The following ZMYND12 variants were observed in gnomAD, a reference collection of about 807,000 sequenced individuals.
The protein encoded by ZMYND12 is zinc finger MYND domain-containing protein 12.
In ZMYND12, 32 loss-of-function variants were observed where a neutral mutation model predicts 41.7. That is an observed-to-expected ratio of 0.77 (90% CI 0.58 to 1.03). ZMYND12 has a LOEUF of 1.03. Ranked by LOEUF, ZMYND12 falls within the 50% of genes least tolerant of loss-of-function variation. The probability of loss-of-function intolerance (pLI) is 0.00; values close to 1 mark genes in which losing one functional copy is unlikely to be tolerated. For synonymous variants in ZMYND12, 148 were observed against 164.8 expected (o/e 0.90, Z 0.78); for missense variants, 424 against 438.5 (o/e 0.97, Z 0.30).
chr1:42,455,136 ACT>A (rs1213068727), intron 1 of ZMYND12, among the ~76,000 whole-genome samples: 2 of 152,080 alleles, frequency 1.3e-5, no homozygotes, highest in African/African-American at 4.8e-5. Flanking sequence ...CCCTTAGCAA[ACT>A]CTGTTCTTTT....
intron 7 of ZMYND12, among the ~76,000 whole-genome samples, chr1:42,432,623 C>T (rs1348620483): frequency 2.0e-5 from 3 of 152,082 alleles, no homozygotes; most frequent in Non-Finnish European, 4.4e-5. Context: ...TTGACCCTCT[C>T]GGTGCCTCAG....
intron 3 of ZMYND12, among the ~76,000 whole-genome samples, chr1:42,440,920 G>A (rs879066411): frequency 1.3e-5 from 2 of 152,118 alleles, no homozygotes; most frequent in African/African-American, 4.8e-5. Flanking sequence ...CACCCACCTC[G>A]ACCTCCCAAA....
intron 3 of ZMYND12, among the ~76,000 whole-genome samples, chr1:42,444,263 G>A (rs1458031849): frequency 6.6e-6 from 1 of 152,186 alleles, no homozygotes; most frequent in Non-Finnish European, 1.5e-5. Flanking sequence ...AGCTCTGAGT[G>A]AGGAAGAGCT....
chr1:42,451,634 C>T (rs1263730695), intron 1 of ZMYND12, among the ~76,000 whole-genome samples: 2 of 152,168 alleles, frequency 1.3e-5, no homozygotes, highest in Non-Finnish European at 2.9e-5. Context: ...TTGCCACCTT[C>T]TTGGACAATA....
Position 42,450,147 on chromosome 1 carries a change from C to T in ZMYND12, c.111-88G>A, listed in dbSNP as rs1014888644. 6 of 1,485,948 alleles carry T rather than the reference C, an allele frequency of 4.0e-6. No homozygotes were observed. In the South Asian group the frequency reaches 7.5e-5, roughly 19 times the overall value. 92.0% of individuals were successfully genotyped at this position (1,485,948 alleles called of 1,614,324 possible). On this transcript the variant is annotated intron_variant, in intron 1 of 7. Coordinates refer to ENST00000372565, the MANE Select transcript of ZMYND12 (RefSeq NM_032257.5). ...CCTCCTACTGGCCTATCCCTAGACA[C>T]CAGAAAAGTAAGCCAAATACAAACC...
intron 3 of ZMYND12, among the ~76,000 whole-genome samples, chr1:42,446,946 C>G (rs1277464469): frequency 6.6e-6 from 1 of 152,074 alleles, no homozygotes; most frequent in Non-Finnish European, 1.5e-5. Context: ...GGGTTTGTCA[C>G]TGGTCAAATC....
intron 4 of ZMYND12, among the ~76,000 whole-genome samples, chr1:42,436,864 A>G (rs1181027740): frequency 6.6e-6 from 1 of 152,108 alleles, no homozygotes; most frequent in African/African-American, 2.4e-5. Context: ...CACATTGCCA[A>G]TGGGAATGTA....
chr1:42,449,735 A>G (rs1374688036), intron 2 of ZMYND12, among the ~76,000 whole-genome samples, 183 bp downstream of exon 2: 1 of 152,240 alleles, frequency 6.6e-6, no homozygotes, highest in Non-Finnish European at 1.5e-5. Context: ...AGACTAATAC[A>G]GTAAGTATTT....
intron 4 of ZMYND12, among the ~76,000 whole-genome samples, chr1:42,437,440 CTGTG>C (rs113850227): frequency 0.26 from 37,679 of 144,302 alleles, 5,148 homozygotes; most frequent in African/African-American, 0.36. Flanking sequence ...CAATAAAGCT[CTGTG>C]TGTGTGTGTG....
At chr1:42,447,229 C>G (rs1447987831) in intron 3 of ZMYND12, among the ~76,000 whole-genome samples, 1 of 152,058 alleles carries the variant, frequency 6.6e-6, no homozygotes, top group Non-Finnish European at 1.5e-5. Flanking sequence ...AAAATGAAAA[C>G]ATGCCAGTTT....
At chr1:42,455,668 G>A (rs1040358283) in intron 1 of ZMYND12, among the ~76,000 whole-genome samples, 1 of 152,248 alleles carries the variant, frequency 6.6e-6, no homozygotes, top group Non-Finnish European at 1.5e-5. Context: ...ACCTAAAATA[G>A]TGCATAACAC....
chr1:42,451,864 C>G (rs1435011655), intron 1 of ZMYND12, among the ~76,000 whole-genome samples: 1 of 152,124 alleles, frequency 6.6e-6, no homozygotes, highest in Non-Finnish European at 1.5e-5. Flanking sequence ...CCACTGAGAG[C>G]CACTAACATA....
At chr1:42,440,387 C>A (rs986795129) in intron 3 of ZMYND12, among the ~76,000 whole-genome samples, 4 of 152,138 alleles carry the variant, frequency 2.6e-5, no homozygotes, top group African/African-American at 9.7e-5. Context: ...AAACCAGACA[C>A]CAAAGGCCAC....
chr1:42,433,428 GT>G (rs1170688486), intron 6 of ZMYND12, 140 bp from the exon 7 acceptor site: 4 of 975,470 alleles, frequency 4.1e-6, no homozygotes, highest in Non-Finnish European at 5.8e-6. Flanking sequence ...ATTACAGCAA[GT>G]TTTTTACCTA....
chr1:42,433,938 T>C (rs2148404244), intron 6 of ZMYND12, among the ~76,000 whole-genome samples: 1 of 152,340 alleles, frequency 6.6e-6, no homozygotes, highest in East Asian at 1.9e-4. Context: ...GTTGGCTATC[T>C]TTGGATATCT....
At chr1:42,442,538 T>C (rs1165258104) in intron 3 of ZMYND12, among the ~76,000 whole-genome samples, 1 of 152,092 alleles carries the variant, frequency 6.6e-6, no homozygotes, top group Non-Finnish European at 1.5e-5. Context: ...CTGGGGAAAT[T>C]TGTCAGAACA....
At position 42,446,260 on chromosome 1, in the gene ZMYND12, A is replaced by T. The variant is rs138076008; in HGVS notation, c.424+2207T>A. Among the ~76,000 whole-genome samples the T allele has an allele frequency of 2.2e-3, 341 of 152,322 alleles. 2 individuals carry two copies. Among genetic ancestry groups the T allele is most frequent in the African/African-American group, 7.9e-3 (328 of 41,570 alleles). Reference sequence around the variant, plus strand: ...GAAAGTGAAAGCTGTCAGCAAAGGGAGTTGCAATTAAGGAATGGAAGTAAA... The same window carrying T: ...GAAAGTGAAAGCTGTCAGCAAAGGGTGTTGCAATTAAGGAATGGAAGTAAA... On this transcript the variant is annotated intron_variant, in intron 3 of 7. Transcript: ENST00000372565.
rs1211432556 is a variant in ZMYND12 at position 42,449,927 on chromosome 1, C to T, written c.243G>A (p.Gln81=). 2.5e-6 allele frequency: 4 copies of T among 1,611,778 alleles called. No individual in the cohort carries two copies. The highest frequency in any genetic ancestry group is 3.4e-6 in the Non-Finnish European group (4 of 1,180,018). Residue 81 remains glutamine (Q), a synonymous_variant, in exon 2 of 8, where the codon CAG becomes CAA. Transcript: ENST00000372565. Reference sequence around the variant, plus strand: ...GTGCCGTAGGCCCTACCTGCCGCTGCTGCAGCTGCTGCAGGCCATGCTGCC... The same window carrying T: ...GTGCCGTAGGCCCTACCTGCCGCTGTTGCAGCTGCTGCAGGCCATGCTGCC... ...EERQHGLQQL[Q]QRQKYLIEFC... is the part of the protein sequence containing the mutation.
At chr1:42,437,181 G>A (rs1312646248) in intron 4 of ZMYND12, among the ~76,000 whole-genome samples, 3 of 152,142 alleles carry the variant, frequency 2.0e-5, no homozygotes, top group Non-Finnish European at 4.4e-5. Flanking sequence ...GGTGAAAGAG[G>A]TCAGATGCAA....
Sources: allele counts gnomAD v4.1 joint callset (sites outside exome capture counted in the v4.1 genomes callset), GRCh38; gene constraint gnomAD v4.1.1; transcripts MANE v1.5; gene names NCBI Gene and HGNC (gene_info 2026-07-23, HGNC 2026-07-21).